The following DRC1 variants were observed in gnomAD, a reference collection of about 807,000 sequenced individuals.
DRC1 encodes dynein regulatory complex subunit 1.
DRC1 carries 74 observed loss-of-function variants against 98.7 expected under a neutral mutation model. The ratio of observed to expected loss-of-function variants is 0.75; its 90% confidence interval spans 0.62 to 0.91. The LOEUF (loss-of-function observed/expected upper bound fraction) is 0.91. Ranked by LOEUF, DRC1 falls within the 40% of genes least tolerant of loss-of-function variation. DRC1 has a pLI of 0.00. For synonymous variants in DRC1, 336 were observed against 334.1 expected (o/e 1.01, Z -0.06); for missense variants, 875 against 886.0 (o/e 0.99, Z 0.16).
At chr2:26,448,897 G>A in intron 11 of DRC1, 94 bp downstream of exon 11, 1 of 1,301,094 alleles carries the variant, frequency 7.7e-7, no homozygotes. Flanking sequence ...AGTCAGGAGT[G>A]GGCCAGTCCT....
At chr2:26,445,049 G>C in intron 10 of DRC1, 101 bp downstream of exon 10, 3 of 1,242,410 alleles carry the variant, frequency 2.4e-6, no homozygotes, top group South Asian at 1.5e-5. Context: ...GGAGGGGGAA[G>C]AGTATGATTA....
At chr2:26,442,301 C>T (rs566379721) in intron 8 of DRC1, among the ~76,000 whole-genome samples, 16 of 152,322 alleles carry the variant, frequency 1.1e-4, no homozygotes, top group African/African-American at 3.1e-4. Context: ...CCGTAGCAAC[C>T]TATGACCCCA....
chr2:26,448,270 C>T (rs999303480), intron 10 of DRC1: 2 of 447,758 alleles, frequency 4.5e-6, no homozygotes, highest in Non-Finnish European at 4.6e-6. Flanking sequence ...AAGCCACCTG[C>T]CCCTGCTTTG....
chr2:26,406,744 A>G (rs1678440484), intron 1 of DRC1, among the ~76,000 whole-genome samples: 1 of 151,594 alleles, frequency 6.6e-6, no homozygotes, highest in African/African-American at 2.4e-5. Flanking sequence ...ATAATGTGCT[A>G]ATGGCCCTGA....
At chr2:26,424,215 A>C in intron 3 of DRC1, 56 bp from the exon 4 acceptor site, 1 of 1,600,888 alleles carries the variant, frequency 6.2e-7, no homozygotes, top group Non-Finnish European at 8.5e-7. Context: ...TACCTGCTCT[A>C]CTGGAAGGCA....
chr2:26,427,869 C>A (rs548981196), intron 4 of DRC1, among the ~76,000 whole-genome samples: 9 of 152,300 alleles, frequency 5.9e-5, no homozygotes, highest in Middle Eastern at 6.8e-3. Context: ...AACGTAATGC[C>A]TTTCAATTCC....
At chr2:26,450,470 C>T (rs963496045) in intron 12 of DRC1, 122 bp from the exon 13 acceptor site, 5 of 796,640 alleles carry the variant, frequency 6.3e-6, no homozygotes, top group South Asian at 1.8e-5. Flanking sequence ...CGCTTCCCAG[C>T]GTTGGATGAA....
At chr2:26,455,073 C>G in intron 15 of DRC1, 58 bp from the exon 16 acceptor site, 1 of 1,585,096 alleles carries the variant, frequency 6.3e-7, no homozygotes, top group Non-Finnish European at 8.7e-7. Context: ...GACCCTGGCC[C>G]CTACTTGGCA....
chr2:26,456,026 A>C (rs754798094), intron 16 of DRC1, among the ~76,000 whole-genome samples: 2 of 152,222 alleles, frequency 1.3e-5, no homozygotes, highest in African/African-American at 2.4e-5. Flanking sequence ...CCACAGCTGA[A>C]AGTGGGATGT....
At chr2:26,420,822 G>A (rs1004532336) in intron 2 of DRC1, among the ~76,000 whole-genome samples, 1 of 149,660 alleles carries the variant, frequency 6.7e-6, no homozygotes, top group African/African-American at 2.5e-5. Context: ...GGAGTGTAGC[G>A]GCGTGACCTT....
intron 1 of DRC1, 112 bp downstream of exon 1, chr2:26,402,256 A>T (rs1172743923): frequency 7.0e-7 from 1 of 1,419,482 alleles, no homozygotes; most frequent in South Asian, 1.5e-5. Flanking sequence ...AGTATGGGAA[A>T]GTAAAACGCT....
At chr2:26,444,690 C>T (rs1185307158) in intron 9 of DRC1, 26 bp from the exon 10 acceptor site, 3 of 1,607,296 alleles carry the variant, frequency 1.9e-6, no homozygotes, top group Non-Finnish European at 2.6e-6. Flanking sequence ...GGCCAGCTGG[C>T]CATGCTCTGT....
In DRC1 at chr2:26,444,847, G is replaced by T. The variant is rs1209086477; in HGVS notation, c.1295G>T (p.Trp432Leu). 6.2e-7 allele frequency: 1 copy of T among 1,614,078 alleles called. No homozygotes were observed. The highest frequency in any genetic ancestry group is 2.2e-5 in the East Asian group (1 of 44,902). The stretch of plus-strand genomic sequence containing the variant: ...CACACCCATCATCTGGGGCTTCCCT[G>T]GGCAGCACCTGATTTCTGGTTCCTG... The part of the protein sequence containing the change: ...IIHTHHLGLP[W>L]AAPDFWFLNN... The change falls in exon 10 of 17, where the codon TGG (tryptophan) becomes TTG (leucine). Residue 432 changes from tryptophan to leucine, a missense_variant. By Grantham distance (61) the Trp-to-Leu change is moderately conservative. Transcript: ENST00000288710.
At chr2:26,403,545 A>G (rs765370110) in intron 1 of DRC1, among the ~76,000 whole-genome samples, 4 of 152,224 alleles carry the variant, frequency 2.6e-5, no homozygotes, top group Non-Finnish European at 2.9e-5. Flanking sequence ...CTGTAATCCC[A>G]GCACTTTGGG....
chr2:26,441,418 T>C (rs1042050268), intron 8 of DRC1, among the ~76,000 whole-genome samples: 2 of 152,206 alleles, frequency 1.3e-5, no homozygotes, highest in African/African-American at 4.8e-5. Flanking sequence ...TGGGATGGCA[T>C]CTTAAGCCTG....
chr2:26,456,678 T>G lies in DRC1; in HGVS notation c.*161T>G. ...AATAAGGAGCCAGAGGAGTTACCTG[T>G]GTCCTGCATTATGATTAAAGCCTTT... On this transcript the variant is annotated 3_prime_UTR_variant, in exon 17 of 17. Transcript: ENST00000288710. The G allele has an allele frequency of 1.4e-6, 1 of 737,758 alleles. No homozygotes were observed. The highest frequency in any genetic ancestry group is 2.2e-6 in the Non-Finnish European group (1 of 449,168). 45.7% of individuals were successfully genotyped at this position (737,758 alleles called of 1,614,324 possible).
intron 3 of DRC1, among the ~76,000 whole-genome samples, chr2:26,423,389 G>A (rs571093534): frequency 1.3e-5 from 2 of 152,302 alleles, no homozygotes; most frequent in East Asian, 3.9e-4. Context: ...CTGTGACTTC[G>A]GTTCCTCAGG....
chr2:26,437,997 C>T (rs1221790927), intron 7 of DRC1, among the ~76,000 whole-genome samples: 2 of 143,564 alleles, frequency 1.4e-5, no homozygotes, highest in Non-Finnish European at 3.0e-5. Flanking sequence ...GAGGCTGAGG[C>T]AGGAGAATCA....
intron 8 of DRC1, among the ~76,000 whole-genome samples, chr2:26,443,174 T>C (rs1380418077): frequency 1.3e-5 from 2 of 152,192 alleles, no homozygotes; most frequent in African/African-American, 4.8e-5. Context: ...AGAATAATGC[T>C]TAGGAGAGGG....
Sources: gnomAD v4.1 joint callset for allele counts (sites outside exome capture counted in the v4.1 genomes callset) on GRCh38, gnomAD v4.1.1 for gene constraint, MANE v1.5 for transcripts, NCBI Gene and HGNC (gene_info 2026-07-23, HGNC 2026-07-21) for gene names.